Variants in GTF3C1 observed in about 807,000 individuals in gnomAD.
The protein encoded by GTF3C1 is general transcription factor 3C polypeptide 1.
In GTF3C1, 57 loss-of-function variants were observed where a neutral mutation model predicts 226.7. That is an observed-to-expected ratio of 0.25 (90% CI 0.20 to 0.31). The LOEUF (loss-of-function observed/expected upper bound fraction) is 0.31. Ranked by LOEUF, GTF3C1 falls within the 10% of genes least tolerant of loss-of-function variation. The pLI is 1.00. For missense variants in GTF3C1, 2,217 were observed against 2,776.1 expected (o/e 0.80, Z 4.53); for synonymous variants, 1,090 against 1,084.8 (o/e 1.00, Z -0.09).
intron 11 of GTF3C1, 50 bp from the exon 12 acceptor site, chr16:27,501,394 G>A: frequency 6.4e-7 from 1 of 1,562,196 alleles, no homozygotes. Flanking sequence ...AACATGGAAG[G>A]CCTTCCTCAA....
intron 25 of GTF3C1, among the ~76,000 whole-genome samples, 196 bp downstream of exon 25, chr16:27,484,015 C>CT (rs2088097063): frequency 6.6e-6 from 1 of 152,210 alleles, no homozygotes; most frequent in African/African-American, 2.4e-5. Context: ...TAAGCAATAC[C>CT]TTGCATGGGA....
chr16:27,481,891 T>C (rs956245121), intron 26 of GTF3C1, among the ~76,000 whole-genome samples: 3 of 152,186 alleles, frequency 2.0e-5, no homozygotes, highest in Non-Finnish European at 4.4e-5. Context: ...GCAGACACTG[T>C]GGGTGTCTGT....
Position 27,492,605 on chromosome 16 carries a change from G to T in GTF3C1, c.2973+12C>A. ...ATCAGAATTTCCTTCGTTTGGGCTT[G>T]AGGGACATTACCTGATCTTTATCCT... On this transcript the variant is annotated intron_variant, in intron 18 of 36. Transcript: ENST00000356183. This position sits in a 1 kb window ranked among gnomAD's most constrained non-coding sequence, Gnocchi z 5.0. 6.4e-7 allele frequency: 1 copy of T among 1,565,182 alleles called. No individual in the cohort carries two copies. The highest frequency in any genetic ancestry group is 8.8e-7 in the Non-Finnish European group (1 of 1,135,384).
At chr16:27,513,371 T>C (rs887949798) in intron 6 of GTF3C1, among the ~76,000 whole-genome samples, 2 of 152,186 alleles carry the variant, frequency 1.3e-5, no homozygotes, top group Non-Finnish European at 2.9e-5. Context: ...AGAGGATTGC[T>C]TGAGCCTGGG....
rs2087771283 is a variant in GTF3C1, at chr16:27,465,378, A to G, written c.5237T>C (p.Leu1746Ser). The change falls in exon 33 of 37, where the codon TTG (leucine) becomes TCG (serine). Residue 1746 changes from leucine (L) to serine (S), a missense_variant. Around this residue, in one of 12 missense-constraint regions of GTF3C1, gnomAD observed 455 missense variants for 441.9 expected, o/e 1.03. Transcript: ENST00000356183. ...PEDLTAALEI[L>S]EAIIATGCFG... The stretch of plus-strand genomic sequence containing the variant: ...ACAACCCGTGGCTATAATGGCTTCC[A>G]AGATCTCCAAGGCAGCAGTCAGGTC... The G allele has an allele frequency of 1.2e-6, 2 of 1,614,144 alleles. No individual in the cohort carries two copies. Among genetic ancestry groups the G allele is most frequent in the Non-Finnish European group, 1.7e-6 (2 of 1,179,996 alleles).
intron 6 of GTF3C1, among the ~76,000 whole-genome samples, chr16:27,523,960 G>T (rs947181436): frequency 6.6e-6 from 1 of 152,182 alleles, no homozygotes; most frequent in African/African-American, 2.4e-5. Flanking sequence ...TCCAGCACAA[G>T]GAGCCAAAAC....
At chr16:27,514,590 C>T (rs2088628070) in intron 6 of GTF3C1, among the ~76,000 whole-genome samples, 1 of 152,132 alleles carries the variant, frequency 6.6e-6, no homozygotes, top group Non-Finnish European at 1.5e-5. Flanking sequence ...TACCATGCTG[C>T]TCACATGAGC....
Position 27,471,064 on chromosome 16 carries a change from C to CCGT in GTF3C1, c.4527-672_4527-670dup. ...GGGTCTGGGGAGGAGGAAGTGTCTG[C>CCGT]CGTCGTGGGGAAGGGATGGGATCAA... On this transcript the variant is annotated intron_variant, in intron 30 of 36. Coordinates refer to ENST00000356183, the MANE Select transcript of GTF3C1 (RefSeq NM_001520.4). The surrounding 1 kb of genome is among the most constrained non-coding windows in gnomAD (Gnocchi z 5.0). 6.6e-6 allele frequency among the ~76,000 whole-genome samples: 1 copy of CCGT among 152,162 alleles called. No individual in the cohort carries two copies. The highest frequency in any genetic ancestry group is 1.9e-4 in the East Asian group (1 of 5,192).
intron 11 of GTF3C1, among the ~76,000 whole-genome samples, chr16:27,501,641 T>C (rs1042137706): frequency 2.0e-5 from 3 of 152,218 alleles, no homozygotes; most frequent in African/African-American, 4.8e-5. Flanking sequence ...GGCACCATGA[T>C]AGAAACCTGT....
intron 9 of GTF3C1, 109 bp from the exon 10 acceptor site, chr16:27,506,225 G>C (rs1170192288): frequency 1.6e-6 from 1 of 633,974 alleles, no homozygotes; most frequent in Non-Finnish European, 2.8e-6. Context: ...CTGAGAGTCA[G>C]TTGAAAGGTG....
chr16:27,548,455 T>C (rs568804274), intron 1 of GTF3C1, among the ~76,000 whole-genome samples: 2 of 152,246 alleles, frequency 1.3e-5, no homozygotes, highest in East Asian at 1.9e-4. Flanking sequence ...TTAGTAGAGA[T>C]AGGGTTTCAC....
chr16:27,496,592 G>T (rs2088320769), intron 14 of GTF3C1, among the ~76,000 whole-genome samples: 1 of 152,160 alleles, frequency 6.6e-6, no homozygotes, highest in African/African-American at 2.4e-5. Flanking sequence ...TTTTAGTAGA[G>T]GCAGGGTTTC....
intron 29 of GTF3C1, among the ~76,000 whole-genome samples, chr16:27,473,288 G>A (rs2087903150): frequency 6.6e-6 from 1 of 152,234 alleles, no homozygotes; most frequent in Non-Finnish European, 1.5e-5. Flanking sequence ...TCATGGCTCA[G>A]CCTGCTAAGT....
In GTF3C1 at chr16:27,493,315, G is replaced by GTGAAC. The variant is rs1173513674; in HGVS notation, c.2779-20_2779-19insGTTCA. The GTGAAC allele has an allele frequency of 2.2e-5, 30 of 1,337,322 alleles. No individual in the cohort carries two copies. The highest frequency in any genetic ancestry group is 3.0e-5 in the Non-Finnish European group (28 of 927,128). 82.8% of individuals were successfully genotyped at this position (1,337,322 alleles called of 1,614,324 possible). ...TGTCCACCTGAAGAGGTGATGTGCA[G>GTGAAC]GTTCAGCTCGCCCTGAGGGCCAGGG... On this transcript the variant is annotated intron_variant, in intron 16 of 36. Coordinates refer to ENST00000356183, the MANE Select transcript of GTF3C1 (RefSeq NM_001520.4).
At chr16:27,498,190 T>C (rs1649483672) in intron 13 of GTF3C1, among the ~76,000 whole-genome samples, 1 of 152,244 alleles carries the variant, frequency 6.6e-6, no homozygotes, top group South Asian at 2.1e-4. Flanking sequence ...CAAACTATCA[T>C]GTGCAAGCCA....
intron 5 of GTF3C1, among the ~76,000 whole-genome samples, chr16:27,529,981 G>A (rs529900704): frequency 1.3e-5 from 2 of 152,282 alleles, no homozygotes; most frequent in East Asian, 3.9e-4. Flanking sequence ...TTGCTTGTGG[G>A]TATCACCCTC....
chr16:27,492,954 G>A lies in GTF3C1; in HGVS notation c.2877-241C>T, dbSNP rs182078995. Among the ~76,000 whole-genome samples, 9 of 152,030 alleles carry A rather than the reference G, an allele frequency of 5.9e-5. No homozygotes were observed. The highest frequency in any genetic ancestry group is 2.2e-4 in the African/African-American group (9 of 41,492). ...GATTTGGAAAGTAAAAGTAATGAAA[G>A]GGAAAAAAAATTCCGATACTTGCAG... On this transcript the variant is annotated intron_variant, in intron 17 of 36. Coordinates refer to ENST00000356183, the MANE Select transcript of GTF3C1 (RefSeq NM_001520.4). This position sits in a 1 kb window ranked among gnomAD's most constrained non-coding sequence, Gnocchi z 5.0.
chr16:27,517,106 C>T (rs2088670055), intron 6 of GTF3C1, among the ~76,000 whole-genome samples: 1 of 152,118 alleles, frequency 6.6e-6, no homozygotes, highest in Non-Finnish European at 1.5e-5. Flanking sequence ...AAAACTAGGG[C>T]TGGTGACAGT....
chr16:27,494,964 A>G, intron 15 of GTF3C1, 56 bp from the exon 16 acceptor site: 3 of 1,477,324 alleles, frequency 2.0e-6, no homozygotes, highest in Non-Finnish European at 2.8e-6. Flanking sequence ...CACCATGGTG[A>G]CACATGGTAA....
Sources: allele counts gnomAD v4.1 joint callset (sites outside exome capture counted in the v4.1 genomes callset), GRCh38; gene constraint gnomAD v4.1.1; regional missense constraint gnomAD v4.1.1; non-coding constraint Gnocchi (gnomAD v3.1); transcripts MANE v1.5; gene names NCBI Gene and HGNC (gene_info 2026-07-23, HGNC 2026-07-21).